Variants in CNOT10 observed in about 807,000 individuals in gnomAD.
CNOT10 encodes CCR4-NOT transcription complex, subunit 10.
Under a neutral mutation model 94.6 loss-of-function variants are expected in CNOT10, and 30 were observed. That is an observed-to-expected ratio of 0.32 (90% CI 0.24 to 0.43). CNOT10 has a LOEUF of 0.43. Ranked by LOEUF, CNOT10 falls within the 20% of genes least tolerant of loss-of-function variation. The pLI is 1.00. For synonymous variants in CNOT10, 289 were observed against 301.6 expected, an observed-to-expected ratio of 0.96 and a Z score of 0.43; for missense variants, 759 against 877.2, an observed-to-expected ratio of 0.87 and a Z score of 1.70.
intron 1 of CNOT10, chr3:32,695,968 AGTGTGTGTGTGTGTGTGTGTGTGTGTGT>A (rs764702440): frequency 1.4e-5 from 6 of 433,066 alleles, no homozygotes; most frequent in South Asian, 7.2e-5. Context: ...TGTTGAAGAG[AGTGTGTGTGTGTGTGTGTGTGTGTGTGT>A]GTGTGTGTGT....
chr3:32,757,353 A>G (rs1700269335), intron 13 of CNOT10, among the ~76,000 whole-genome samples: 1 of 150,948 alleles, frequency 6.6e-6, no homozygotes, highest in African/African-American at 2.4e-5. Flanking sequence ...CCAATTTTGT[A>G]TTTTTAGTAG....
chr3:32,754,897 C>CAA (rs1212573196), intron 13 of CNOT10, among the ~76,000 whole-genome samples: 1,408 of 113,630 alleles, frequency 0.012, 25 homozygotes, highest in African/African-American at 0.042. Flanking sequence ...AGGACCATTA[C>CAA]AAAAAAAAAA....
In CNOT10 at chr3:32,747,214, G is replaced by A. The variant is rs1054977387; in HGVS notation, c.1595+9724G>A. On this transcript the variant is annotated intron_variant, in intron 13 of 18. Transcript: ENST00000328834. ...GTGGATCACCTGAGGTCAAGAGTTCGAGATCAGCCTGGCCACCATGGTGAA... is the reference window on the plus strand; with the variant it reads ...GTGGATCACCTGAGGTCAAGAGTTCAAGATCAGCCTGGCCACCATGGTGAA... Among the ~76,000 whole-genome samples, 20 of 152,188 alleles carry A rather than the reference G, an allele frequency of 1.3e-4. 1 individual carries two copies. The highest frequency in any genetic ancestry group is 1.2e-3 in the Admixed American group (19 of 15,280).
rs1423242095 is a variant in CNOT10, at chr3:32,695,964, A to T, written c.23-7904A>T. 3 of 605,918 alleles carry T rather than the reference A, an allele frequency of 5.0e-6. No individual in the cohort carries two copies. The African/African-American group carries it at 7.2e-5, about 15-fold the overall frequency. 37.5% of individuals were successfully genotyped at this position (605,918 alleles called of 1,614,324 possible). On this transcript the variant is annotated intron_variant, in intron 1 of 18. Coordinates refer to ENST00000328834, the MANE Select transcript of CNOT10 (RefSeq NM_015442.3). ...AGGAAAATAAAAATAATCCTGTTGA[A>T]GAGAGTGTGTGTGTGTGTGTGTGTG...
At chr3:32,737,541 A>G (rs1473811504) in intron 13 of CNOT10, 51 bp downstream of exon 13, 2 of 1,221,928 alleles carry the variant, frequency 1.6e-6, no homozygotes, top group South Asian at 1.3e-5. Flanking sequence ...GAACATATTC[A>G]TGGCTGGGCA....
chr3:32,733,598 T>A, intron 11 of CNOT10, 54 bp downstream of exon 11: 1 of 1,180,410 alleles, frequency 8.5e-7, no homozygotes, highest in South Asian at 1.6e-5. Context: ...GTTTACATAA[T>A]GTTACTTATA....
intron 9 of CNOT10, among the ~76,000 whole-genome samples, chr3:32,726,904 T>G (rs1333974664): frequency 7.3e-6 from 1 of 136,574 alleles, no homozygotes; most frequent in Non-Finnish European, 1.5e-5. Flanking sequence ...TGGAGTGCAG[T>G]GGCGTGATCT....
chr3:32,703,138 A>G (rs1479867373), intron 1 of CNOT10, among the ~76,000 whole-genome samples: 1 of 137,180 alleles, frequency 7.3e-6, no homozygotes, highest in African/African-American at 2.8e-5. Flanking sequence ...GTTAGCCAGG[A>G]TGGTCTCGAT....
chr3:32,766,632 CAA>C (rs369161243), intron 17 of CNOT10, among the ~76,000 whole-genome samples: 17 of 71,922 alleles, frequency 2.4e-4, no homozygotes, highest in Admixed American at 4.8e-4. Context: ...GACTCTGTCT[CAA>C]AAAAAAAAAA....
Position 32,703,926 on chromosome 3 carries a change from G to C in CNOT10, c.81G>C (p.Glu27Asp). ...AGTCCTCTGGGATCACTGATCAAGA[G>C]AAGGAGTTATCCACCAATGCTTTCC... ...TGQSSGITDQ[E>D]KELSTNAFQA... Residue 27 changes from glutamate (E) to aspartate (D), a missense_variant, in exon 2 of 19, where the codon GAG (glutamate) becomes GAC (aspartate). Physicochemically the swap from Glu to Asp is conservative, Grantham distance 45. This residue lies in a region of CNOT10 where 682 missense variants were observed against 799.4 expected (regional missense o/e 0.85). Coordinates refer to ENST00000328834, the MANE Select transcript of CNOT10 (RefSeq NM_015442.3). 2 of 1,613,874 alleles carry C rather than the reference G, an allele frequency of 1.2e-6. No individual in the cohort carries two copies. The highest frequency in any genetic ancestry group is 1.7e-6 in the Non-Finnish European group (2 of 1,179,770).
chr3:32,703,366 A>T (rs549458160), intron 1 of CNOT10, among the ~76,000 whole-genome samples: 2 of 152,276 alleles, frequency 1.3e-5, no homozygotes, highest in Admixed American at 6.5e-5. Flanking sequence ...TCCGGTGGAT[A>T]CTTGAAACCA....
At position 32,716,217 on chromosome 3, in the gene CNOT10, C is replaced by T. The variant is rs758230959; in HGVS notation, c.574-8C>T. On this transcript the variant is annotated splice_polypyrimidine_tract_variant and splice_region_variant and intron_variant, in intron 5 of 18. Transcript: ENST00000328834. ...AATTTTGATAAACTTTGTTTCATCA[C>T]CCTACAGACTGGTAATAACAACAAC... 6 of 1,502,894 alleles carry T rather than the reference C, an allele frequency of 4.0e-6. No homozygotes were observed. In the African/African-American group the frequency reaches 7.0e-5, roughly 18 times the overall value. The allele number at this position is 1,502,894 out of a possible 1,614,324, so 93.1% of individuals were successfully genotyped here. A position where few individuals can be genotyped will look rare whatever the true frequency, so the allele number is the denominator to read the frequency against.
At chr3:32,768,304 G>A (rs1271060555) in intron 17 of CNOT10, among the ~76,000 whole-genome samples, 1 of 152,064 alleles carries the variant, frequency 6.6e-6, no homozygotes, top group African/African-American at 2.4e-5. Flanking sequence ...AAAATGGGCC[G>A]GGCACAGTGG....
chr3:32,744,284 G>A (rs62250850), intron 13 of CNOT10, among the ~76,000 whole-genome samples: 12,806 of 152,154 alleles, frequency 0.084, 666 homozygotes, highest in Middle Eastern at 0.18. Context: ...AATGTGACTA[G>A]TATATAGTTT....
At chr3:32,764,419 G>T in intron 15 of CNOT10, 36 bp from the exon 16 acceptor site, 1 of 1,610,188 alleles carries the variant, frequency 6.2e-7, no homozygotes, top group African/African-American at 1.3e-5. Flanking sequence ...ATGCTCTGTT[G>T]TTCTGCCCCT....
intron 13 of CNOT10, among the ~76,000 whole-genome samples, chr3:32,738,143 G>A (rs1699277664): frequency 6.6e-6 from 1 of 152,084 alleles, no homozygotes; most frequent in Non-Finnish European, 1.5e-5. Flanking sequence ...ATTACTCATG[G>A]ACACAAAGAG....
Position 32,685,431 on chromosome 3 carries a change from G to T in CNOT10, c.-30G>T. ...GGCGGGAGTCAGGGCCACGCCACCT[G>T]CAGGGAAGAACCCGAGTCGAAGCGG... On this transcript the variant is annotated 5_prime_UTR_variant, in exon 1 of 19. Coordinates refer to ENST00000328834, the MANE Select transcript of CNOT10 (RefSeq NM_015442.3). 1 of 1,550,158 alleles carries T rather than the reference G, an allele frequency of 6.5e-7. No homozygotes were observed. Among genetic ancestry groups the T allele is most frequent in the Non-Finnish European group, 8.7e-7 (1 of 1,146,704 alleles).
rs146810591 is a variant in CNOT10 at position 32,773,584 on chromosome 3, G to A, written c.2208G>A (p.Pro736=). Residue 736 remains proline, a synonymous_variant, in exon 19 of 19, where the codon CCG becomes CCA. Transcript: ENST00000328834. ...PVHPIQPIQM[P]AFTTVQRK is the part of the protein sequence containing the mutation. ...ACCCGATCCAGCCCATCCAAATGCC[G>A]GCTTTCACCACTGTGCAGAGAAAGT... 162 of 1,613,918 alleles carry A rather than the reference G, an allele frequency of 1.0e-4. 1 individual carries two copies. The highest frequency in any genetic ancestry group is 4.3e-4 in the African/African-American group (32 of 75,036).
intron 1 of CNOT10, among the ~76,000 whole-genome samples, chr3:32,694,053 G>A (rs1413119645): frequency 6.6e-6 from 1 of 150,914 alleles, no homozygotes; most frequent in Non-Finnish European, 1.5e-5. Flanking sequence ...CAAAAATTTT[G>A]TCTTTTTAAG....
Sources: allele counts gnomAD v4.1 joint callset (sites outside exome capture counted in the v4.1 genomes callset), GRCh38; gene constraint gnomAD v4.1.1; regional missense constraint gnomAD v4.1.1; transcripts MANE v1.5; gene names NCBI Gene and HGNC (gene_info 2026-07-23, HGNC 2026-07-21).